Variants in CSF1 observed in about 807,000 individuals in gnomAD.
CSF1 encodes the protein macrophage colony-stimulating factor 1.
CSF1 carries 9 observed loss-of-function variants against 48.9 expected under a neutral mutation model. That is an observed-to-expected ratio of 0.18 (90% CI 0.11 to 0.32). The LOEUF (loss-of-function observed/expected upper bound fraction) is 0.32, where lower values mean the gene tolerates loss of function less well. Among genes scored for constraint, CSF1 ranks in the 10% least tolerant of loss-of-function variants. CSF1 has a pLI of 1.00. For synonymous variants in CSF1, 305 were observed against 284.1 expected (o/e 1.07, Z -0.74); for missense variants, 672 against 697.9 (o/e 0.96, Z 0.42).
chr1:109,927,786 C>T (rs1475388091), intron 8 of CSF1, among the ~76,000 whole-genome samples: 3 of 152,182 alleles, frequency 2.0e-5, no homozygotes, highest in Non-Finnish European at 4.4e-5. Context: ...GAGAGAGAAA[C>T]ATAGAGGCAG....
chr1:109,925,536 A>G (rs1209947319), intron 8 of CSF1, among the ~76,000 whole-genome samples: 1 of 152,114 alleles, frequency 6.6e-6, no homozygotes, highest in Non-Finnish European at 1.5e-5. Context: ...ACCCTCCTGG[A>G]GAATCTTCAG....
At chr1:109,922,025 G>T (rs768541401) in intron 5 of CSF1, 31 bp downstream of exon 5, 19 of 1,559,964 alleles carry the variant, frequency 1.2e-5, no homozygotes. Flanking sequence ...CAAGTGTGTG[G>T]GGGTGGTAGC....
At chr1:109,912,631 G>A (rs1188238102) in intron 1 of CSF1, among the ~76,000 whole-genome samples, 1 of 152,200 alleles carries the variant, frequency 6.6e-6, no homozygotes, top group African/African-American at 2.4e-5. Flanking sequence ...AGCCCTTGGG[G>A]TTAAGCATTG....
chr1:109,913,604 T>C (rs1209954043), intron 1 of CSF1, among the ~76,000 whole-genome samples: 1 of 152,210 alleles, frequency 6.6e-6, no homozygotes, highest in Non-Finnish European at 1.5e-5. Flanking sequence ...AATAGGCAGG[T>C]GCCAGGCAAG....
At chr1:109,928,535 G>C (rs532227262) in intron 8 of CSF1, among the ~76,000 whole-genome samples, 1 of 152,308 alleles carries the variant, frequency 6.6e-6, no homozygotes, top group South Asian at 2.1e-4. Flanking sequence ...CTCCTTGTCA[G>C]AGCCCTCTGC....
At chr1:109,919,307 C>T (rs907967178) in intron 4 of CSF1, among the ~76,000 whole-genome samples, 4 of 152,172 alleles carry the variant, frequency 2.6e-5, no homozygotes, top group South Asian at 2.1e-4. Flanking sequence ...GGCGCAATCA[C>T]GACTCACTGC....
Position 109,911,021 on chromosome 1 carries a change from C to T in CSF1, c.-3C>T. 1.7e-6 allele frequency: 2 copies of T among 1,162,826 alleles called. No homozygotes were observed. Among genetic ancestry groups the T allele is most frequent in the East Asian group, 4.3e-5 (1 of 23,320 alleles). 72.0% of individuals were successfully genotyped at this position (1,162,826 alleles called of 1,614,324 possible). A position where few individuals can be genotyped will look rare whatever the true frequency, so the allele number is the denominator to read the frequency against. On this transcript the variant is annotated 5_prime_UTR_variant, in exon 1 of 9. Transcript: ENST00000329608. Reference sequence around the variant, plus strand: ...CGCGCCCGGCCGGGACCCAGCTGCCCGTATGACCGCGCCGGGCGCCGCCGG... The same window carrying T: ...CGCGCCCGGCCGGGACCCAGCTGCCTGTATGACCGCGCCGGGCGCCGCCGG...
Position 109,923,495 on chromosome 1 carries a change from G to A in CSF1, c.874G>A (p.Glu292Lys). 3.1e-6 allele frequency: 5 copies of A among 1,614,118 alleles called. No homozygotes were observed. The highest frequency in any genetic ancestry group is 4.2e-6 in the Non-Finnish European group (5 of 1,180,000). Residue 292 changes from glutamate (E) to lysine (K), a missense_variant, in exon 6 of 9, where the codon GAG becomes AAG. By Grantham distance (56) the Glu-to-Lys change is moderately conservative. Transcript: ENST00000329608. ...PSVGAFNPGM[E>K]DILDSAMGTN... is the part of the protein sequence containing the mutation. ...TGTCGGGGCCTTCAACCCCGGGATG[G>A]AGGATATTCTTGACTCTGCAATGGG...
In CSF1 at chr1:109,921,989, G is replaced by A; in HGVS notation, c.539G>A (p.Ser180Asn). Residue 180 changes from serine to asparagine, a missense_variant, in exon 5 of 9, where the codon AGC (serine) becomes AAC (asparagine). By Grantham distance (46) the Ser-to-Asn change is conservative. Transcript: ENST00000329608. The part of the protein sequence containing the change: ...NCNNSFAECS[S>N]QDVVTKPDCN... ...AACAACAGCTTTGCTGAATGCTCCAGCCAAGGTAAGCATGGCAGGGGCCAG... is the reference window on the plus strand; with the variant it reads ...AACAACAGCTTTGCTGAATGCTCCAACCAAGGTAAGCATGGCAGGGGCCAG... 6.3e-7 allele frequency: 1 copy of A among 1,597,792 alleles called. No individual in the cohort carries two copies. Among genetic ancestry groups the A allele is most frequent in the Non-Finnish European group, 8.5e-7 (1 of 1,169,658 alleles).
chr1:109,925,903 G>A (rs1570803487), intron 8 of CSF1, among the ~76,000 whole-genome samples: 1 of 152,242 alleles, frequency 6.6e-6, no homozygotes, highest in Non-Finnish European at 1.5e-5. Flanking sequence ...CCTCATGCGA[G>A]GCAAAACTGG....
chr1:109,910,902 C>A lies in CSF1; in HGVS notation c.-122C>A. 1.4e-6 allele frequency: 1 copy of A among 701,374 alleles called. No homozygotes were observed. The highest frequency in any genetic ancestry group is 1.8e-6 in the Non-Finnish European group (1 of 543,828). The allele number at this position is 701,374 out of a possible 1,614,324, so 43.4% of individuals were successfully genotyped here. A position where few individuals can be genotyped will look rare whatever the true frequency, so the allele number is the denominator to read the frequency against. On this transcript the variant is annotated 5_prime_UTR_variant, in exon 1 of 9. Transcript: ENST00000329608. Reference sequence around the variant, plus strand: ...TGCCTGGGTCCTCTCGGCGCCAGAGCCGCTCTCCGCATCCCAGGACAGCGG... The same window carrying A: ...TGCCTGGGTCCTCTCGGCGCCAGAGACGCTCTCCGCATCCCAGGACAGCGG...
chr1:109,929,262 G>T lies in CSF1; in HGVS notation c.*424G>T, dbSNP rs374706434. The T allele has an allele frequency of 6.5e-6, 1 of 152,888 alleles. No individual in the cohort carries two copies. The highest frequency in any genetic ancestry group is 1.9e-4 in the East Asian group (1 of 5,184). The allele number at this position is 152,888 out of a possible 1,614,324, so 9.5% of individuals were successfully genotyped here. On this transcript the variant is annotated 3_prime_UTR_variant, in exon 9 of 9. Coordinates refer to ENST00000329608, the MANE Select transcript of CSF1 (RefSeq NM_000757.6). ...AGTGAAAGAACCCTGCACCCAGAGG[G>T]CCTGCCTGGTGCCAAGGTATCCCAG...
At chr1:109,917,575 T>C (rs1278795216) in intron 4 of CSF1, 112 bp downstream of exon 4, 4 of 1,056,762 alleles carry the variant, frequency 3.8e-6, no homozygotes, top group Non-Finnish European at 5.6e-6. Flanking sequence ...ACGCCATTGC[T>C]TGCTCACTCT....
At chr1:109,914,128 T>C in intron 1 of CSF1, 131 bp from the exon 2 acceptor site, 1 of 978,500 alleles carries the variant, frequency 1.0e-6, no homozygotes, top group Non-Finnish European at 1.4e-6. Context: ...TGAGGGATGC[T>C]GTATCCTGAG....
chr1:109,915,210 C>G (rs1654845740), intron 2 of CSF1, among the ~76,000 whole-genome samples: 1 of 152,264 alleles, frequency 6.6e-6, no homozygotes, highest in African/African-American at 2.4e-5. Flanking sequence ...TCCAGAACTG[C>G]TGCTCTGGGG....
rs117284751 is a variant in CSF1, at chr1:109,918,145, G to C, written c.396+682G>C. 8.5e-5 allele frequency among the ~76,000 whole-genome samples: 13 copies of C among 152,310 alleles called. No individual in the cohort carries two copies. The East Asian group carries it at 2.3e-3, about 27-fold the overall frequency. ...AAATATTGATTTGAGCTCCAAAGATGAGTAAGAATTGAAAGCAGTAAGGCT... is the reference window on the plus strand; with the variant it reads ...AAATATTGATTTGAGCTCCAAAGATCAGTAAGAATTGAAAGCAGTAAGGCT... On this transcript the variant is annotated intron_variant, in intron 4 of 8. Coordinates refer to ENST00000329608, the MANE Select transcript of CSF1 (RefSeq NM_000757.6).
chr1:109,920,104 C>T (rs1258544998), intron 4 of CSF1, among the ~76,000 whole-genome samples: 2 of 151,484 alleles, frequency 1.3e-5, no homozygotes, highest in East Asian at 3.9e-4. Flanking sequence ...GTGGGTGAAG[C>T]TGGAGGAGCT....
rs1008733922 is a variant in CSF1, at chr1:109,930,368, T to C, written c.*1530T>C. The C allele has an allele frequency of 6.6e-6, 1 of 152,300 alleles. No homozygotes were observed. The highest frequency in any genetic ancestry group is 6.5e-5 in the Admixed American group (1 of 15,292). 9.4% of individuals were successfully genotyped at this position (152,300 alleles called of 1,614,324 possible). A position where few individuals can be genotyped will look rare whatever the true frequency, so the allele number is the denominator to read the frequency against. ...AGCCTGTGGTGGTGGCTCTGAGGCC[T>C]AGGCAACGAGCGACAGGGCTGCCAG... On this transcript the variant is annotated 3_prime_UTR_variant, in exon 9 of 9. Coordinates refer to ENST00000329608, the MANE Select transcript of CSF1 (RefSeq NM_000757.6).
At chr1:109,916,020 G>A (rs1654889144) in intron 3 of CSF1, among the ~76,000 whole-genome samples, 2 of 152,160 alleles carry the variant, frequency 1.3e-5, no homozygotes, top group South Asian at 2.1e-4. Flanking sequence ...GGTGCTAGAG[G>A]CCTGATTTGA....
Sources: allele counts gnomAD v4.1 joint callset (sites outside exome capture counted in the v4.1 genomes callset), GRCh38; gene constraint gnomAD v4.1.1; transcripts MANE v1.5; gene names NCBI Gene and HGNC (gene_info 2026-07-23, HGNC 2026-07-21).